Variants in CHD9 observed in about 807,000 individuals in gnomAD.
The protein encoded by CHD9 is chromodomain helicase DNA binding protein 9.
CHD9 carries 77 observed loss-of-function variants against 316.1 expected under a neutral mutation model. The observed-to-expected ratio is 0.24, with a 90% CI of 0.20 to 0.29. The LOEUF is 0.29. Among genes scored for constraint, CHD9 ranks in the 10% least tolerant of loss-of-function variants. The pLI, the probability that CHD9 is intolerant of heterozygous loss-of-function variation, is 1.00. For missense variants in CHD9, 2,763 were observed against 3,438.1 expected (o/e 0.80, Z 4.91); for synonymous variants, 1,129 against 1,158.3 (o/e 0.97, Z 0.51).
intron 1 of CHD9, among the ~76,000 whole-genome samples, chr16:53,078,372 G>A (rs1456746292): frequency 6.6e-6 from 1 of 152,046 alleles, no homozygotes; most frequent in Non-Finnish European, 1.5e-5. Flanking sequence ...GATGAAGTTC[G>A]GCCCTGTTTC....
intron 1 of CHD9, among the ~76,000 whole-genome samples, chr16:53,098,374 G>A (rs1169662002): frequency 6.6e-6 from 1 of 151,642 alleles, no homozygotes; most frequent in Non-Finnish European, 1.5e-5. Flanking sequence ...TATTTGGGAG[G>A]CTGAGGCAGG....
At chr16:53,151,159 T>A (rs1389048930) in intron 1 of CHD9, among the ~76,000 whole-genome samples, 1 of 151,694 alleles carries the variant, frequency 6.6e-6, no homozygotes, top group Non-Finnish European at 1.5e-5. Flanking sequence ...CTTTTCTTCT[T>A]CATTTTTCTT....
Position 53,183,966 on chromosome 16 carries a change from A to C in CHD9, c.1453-25516A>C, listed in dbSNP as rs138579469. Among the ~76,000 whole-genome samples, 511 of 150,126 alleles carry C rather than the reference A, an allele frequency of 3.4e-3. 2 individuals carry two copies. Among genetic ancestry groups the C allele is most frequent in the Non-Finnish European group, 5.1e-3 (348 of 67,752 alleles). On this transcript the variant is annotated intron_variant, in intron 2 of 38. Transcript: ENST00000447540. ...TTTTTTTTTTTTCTTTTTTTTTGAG[A>C]CGGAGTCTCGCTCTGTCGCCCATGC...
At chr16:53,162,173 T>C (rs1473301208) in intron 2 of CHD9, among the ~76,000 whole-genome samples, 1 of 152,174 alleles carries the variant, frequency 6.6e-6, no homozygotes, top group Non-Finnish European at 1.5e-5. Flanking sequence ...GATTTGACTC[T>C]AGAATTTTAC....
Position 53,314,880 on chromosome 16 carries a change from T to G in CHD9, c.7420T>G (p.Tyr2474Asp). Residue 2474 changes from tyrosine to aspartate, a missense_variant, in exon 36 of 39, where the codon TAT becomes GAT. Transcript: ENST00000447540. The stretch of plus-strand genomic sequence containing the variant: ...CACAGGGATAAATCCAGCACTATCC[T>G]ATACTCAACCTCAAGGAATTCCTGA... The part of the protein sequence containing the change: ...ISTGINPALS[Y>D]TQPQGIPDTE... 6.2e-7 allele frequency: 1 copy of G among 1,613,874 alleles called. No homozygotes were observed. Among genetic ancestry groups the G allele is most frequent in the South Asian group, 1.1e-5 (1 of 91,088 alleles).
intron 1 of CHD9, among the ~76,000 whole-genome samples, chr16:53,117,297 GA>G (rs2152638657): frequency 1.3e-5 from 2 of 151,930 alleles, no homozygotes; most frequent in Admixed American, 1.3e-4. Flanking sequence ...CAATGCAAAG[GA>G]AAAAATTCAA....
chr16:53,121,285 C>T (rs1404468145), intron 1 of CHD9: 2 of 453,594 alleles, frequency 4.4e-6, no homozygotes, highest in Non-Finnish European at 8.8e-6. Context: ...TTTGATCTCT[C>T]CAAACTTGAT....
intron 1 of CHD9, among the ~76,000 whole-genome samples, chr16:53,146,815 A>G (rs2040669446): frequency 6.6e-6 from 1 of 151,200 alleles, no homozygotes; most frequent in African/African-American, 2.4e-5. Flanking sequence ...AAAAAAAGTT[A>G]GAATGGTGAC....
rs35792251 is a variant in CHD9, at chr16:53,113,364, C to CTTTTTTT, written c.-164-42548_-164-42542dup. Among the ~76,000 whole-genome samples, 9 of 116,024 alleles carry CTTTTTTT rather than the reference C, an allele frequency of 7.8e-5. 3 individuals are homozygous for CTTTTTTT. Among genetic ancestry groups the CTTTTTTT allele is most frequent in the African/African-American group, 6.3e-5 (2 of 31,768 alleles). 76.1% of individuals were successfully genotyped at this position (116,024 alleles called of 152,430 possible). A position where few individuals can be genotyped will look rare whatever the true frequency, so the allele number is the denominator to read the frequency against. On this transcript the variant is annotated intron_variant, in intron 1 of 38. Coordinates refer to ENST00000447540, the MANE Select transcript of CHD9 (RefSeq NM_001308319.2). ...TCTCTGTTTTACAAGAATCTTGGCACTTTTTTTTTTTTTTTTTTTTGAGAT... is the reference window on the plus strand; with the variant it reads ...TCTCTGTTTTACAAGAATCTTGGCACTTTTTTTTTTTTTTTTTTTTTTTTTTTGAGAT...
intron 1 of CHD9, among the ~76,000 whole-genome samples, chr16:53,115,487 T>G (rs1317680963): frequency 6.6e-6 from 1 of 152,268 alleles, no homozygotes; most frequent in East Asian, 1.9e-4. Context: ...TCTATTATTT[T>G]GCCAGTAATG....
At position 53,303,764 on chromosome 16, in the gene CHD9, C is replaced by T. The variant is rs960956466; in HGVS notation, c.5758C>T (p.Arg1920Cys). 1 of 1,613,312 alleles carries T rather than the reference C, an allele frequency of 6.2e-7. No individual in the cohort carries two copies. The highest frequency in any genetic ancestry group is 1.7e-5 in the Admixed American group (1 of 59,948). ...TTTTATCCAGCCCATCACAGAAGAA[C>T]GTGCTTCTAGGACTTTGTATCGCAT... ...NIFIQPITEERASRTLYRIEL... is the reference protein window; with the variant it reads ...NIFIQPITEECASRTLYRIEL... The change falls in exon 31 of 39, where the codon CGT (arginine) becomes TGT (cysteine). Residue 1920 changes from arginine (R) to cysteine (C), a missense_variant. Physicochemically the swap from Arg to Cys is radical, Grantham distance 180. Around this residue, in one of 15 missense-constraint regions of CHD9, gnomAD observed 663 missense variants for 751.2 expected, o/e 0.88. Transcript: ENST00000447540.
At chr16:53,186,145 C>T (rs141266790) in intron 2 of CHD9, among the ~76,000 whole-genome samples, 17 of 152,342 alleles carry the variant, frequency 1.1e-4, no homozygotes, top group Non-Finnish European at 2.4e-4. Flanking sequence ...AAGCTGCAGA[C>T]ACTCAACAGC....
intron 1 of CHD9, among the ~76,000 whole-genome samples, chr16:53,119,122 A>G (rs542131433): frequency 9.9e-5 from 15 of 151,982 alleles, no homozygotes; most frequent in African/African-American, 3.6e-4. Flanking sequence ...AGGCCCCCCA[A>G]CCTGAAAAAA....
intron 1 of CHD9, among the ~76,000 whole-genome samples, chr16:53,078,257 T>G (rs1489679716): frequency 6.6e-6 from 1 of 152,224 alleles, no homozygotes; most frequent in Non-Finnish European, 1.5e-5. Context: ...GACAGTATTA[T>G]AAGGTGGGAC....
chr16:53,240,393 G>A (rs75246108), intron 12 of CHD9, among the ~76,000 whole-genome samples: 2,852 of 152,068 alleles, frequency 0.019, 104 homozygotes, highest in African/African-American at 0.066. Flanking sequence ...AAATATGATA[G>A]CCAAAAACCT....
At chr16:53,214,264 AGAT>A (rs769084948) in intron 3 of CHD9, among the ~76,000 whole-genome samples, 1 of 152,182 alleles carries the variant, frequency 6.6e-6, no homozygotes, top group Non-Finnish European at 1.5e-5. Context: ...AGGAAAAATA[AGAT>A]GAACAAAATC....
intron 2 of CHD9, among the ~76,000 whole-genome samples, chr16:53,171,114 AT>A (rs2042682526): frequency 6.6e-6 from 1 of 152,070 alleles, no homozygotes; most frequent in Non-Finnish European, 1.5e-5. Context: ...AAATCTATTA[AT>A]AAAAACAATT....
At chr16:53,247,705 A>G (rs1360643994) in intron 16 of CHD9, 2 of 467,330 alleles carry the variant, frequency 4.3e-6, no homozygotes, top group Admixed American at 3.9e-5. Flanking sequence ...GATGTGCCTG[A>G]GGAGTCCAAT....
chr16:53,234,244 G>A (rs1358576062), intron 10 of CHD9, among the ~76,000 whole-genome samples: 1 of 152,036 alleles, frequency 6.6e-6, no homozygotes, highest in Non-Finnish European at 1.5e-5. Context: ...AGCTTTCATG[G>A]CAGATTCCAC....
Sources: allele counts gnomAD v4.1 joint callset (sites outside exome capture counted in the v4.1 genomes callset), GRCh38; gene constraint gnomAD v4.1.1; regional missense constraint gnomAD v4.1.1; transcripts MANE v1.5; gene names NCBI Gene and HGNC (gene_info 2026-07-23, HGNC 2026-07-21).